Variants in JAK1 observed in about 807,000 individuals in gnomAD.
JAK1 encodes Janus kinase 1, also known as tyrosine-protein kinase JAK1.
In JAK1, 16 loss-of-function variants were observed where a neutral mutation model predicts 136.6. The ratio of observed to expected loss-of-function variants is 0.12; its 90% CI spans 0.08 to 0.18. JAK1 has a LOEUF of 0.18. Ranked by LOEUF, JAK1 falls within the 10% of genes least tolerant of loss-of-function variation. The pLI, the probability that JAK1 is intolerant of heterozygous loss-of-function variation, is 1.00. For missense variants in JAK1, 859 were observed against 1,450.1 expected (o/e 0.59, Z 6.62); for synonymous variants, 492 against 519.5 (o/e 0.95, Z 0.72).
At chr1:65,055,384 T>G (rs1047594729) in intron 1 of JAK1, among the ~76,000 whole-genome samples, 1 of 152,226 alleles carries the variant, frequency 6.6e-6, no homozygotes, top group African/African-American at 2.4e-5. Context: ...ACACTACATT[T>G]CATTTATCTA....
chr1:64,988,014 A>T (rs1053017708), intron 2 of JAK1, among the ~76,000 whole-genome samples: 1 of 152,208 alleles, frequency 6.6e-6, no homozygotes, highest in Non-Finnish European at 1.5e-5. Context: ...CTTATTGTGT[A>T]CCTCATACTT....
intron 17 of JAK1, 139 bp from the exon 18 acceptor site, chr1:64,841,740 C>A: frequency 1.2e-6 from 1 of 815,682 alleles, no homozygotes. Flanking sequence ...GTGTTTGTTA[C>A]TGCTGCCTTA....
chr1:65,062,217 T>C (rs1400886084), intron 1 of JAK1, among the ~76,000 whole-genome samples: 1 of 152,266 alleles, frequency 6.6e-6, no homozygotes, highest in South Asian at 2.1e-4. Context: ...TCAGCACAAA[T>C]ATTTTTAGTC....
intron 2 of JAK1, among the ~76,000 whole-genome samples, chr1:65,029,381 T>G (rs1326190489): frequency 5.3e-5 from 8 of 152,236 alleles, no homozygotes; most frequent in Admixed American, 5.2e-4. Context: ...ATTACAGGCG[T>G]GAGCCAACAC....
intron 4 of JAK1, among the ~76,000 whole-genome samples, chr1:64,875,168 G>A (rs116303405): frequency 0.036 from 5,538 of 152,316 alleles, 111 homozygotes; most frequent in Non-Finnish European, 0.058. Flanking sequence ...AGTCTCTGGC[G>A]AGGTGCCGAG....
At chr1:65,014,759 A>G (rs895669249) in intron 2 of JAK1, among the ~76,000 whole-genome samples, 1 of 150,256 alleles carries the variant, frequency 6.7e-6, no homozygotes, top group African/African-American at 2.5e-5. Flanking sequence ...ACCTCGGCTC[A>G]CTGCAAGCTC....
intron 10 of JAK1, among the ~76,000 whole-genome samples, chr1:64,856,418 A>G (rs895359140): frequency 8.5e-5 from 13 of 152,320 alleles, no homozygotes; most frequent in African/African-American, 3.1e-4. Flanking sequence ...TGGCTATTAC[A>G]AGGCTTAAAA....
At position 65,052,793 on chromosome 1, in the gene JAK1, G is replaced by GACACTCCAGCCTGGGCA. The variant is rs1161175328; in HGVS notation, c.-180-8228_-180-8212dup. ...CGCGCCACTGCACTCCAGCCTGGGC[G>GACACTCCAGCCTGGGCA]ACACTCCAGCCTGGGCAACACTCCA... On this transcript the variant is annotated intron_variant, in intron 1 of 25. Coordinates refer to the JAK1 transcript ENST00000671954. Among the ~76,000 whole-genome samples the GACACTCCAGCCTGGGCA allele has an allele frequency of 2.2e-5, 3 of 139,308 alleles. No homozygotes were observed. In the East Asian group the frequency reaches 6.4e-4, roughly 30 times the overall value. The allele number at this position is 139,308 out of a possible 152,430, so 91.4% of individuals were successfully genotyped here. A position where few individuals can be genotyped will look rare whatever the true frequency, so the allele number is the denominator to read the frequency against.
intron 2 of JAK1, among the ~76,000 whole-genome samples, chr1:64,885,182 A>G (rs939210673): frequency 6.6e-6 from 1 of 152,226 alleles, no homozygotes; most frequent in African/African-American, 2.4e-5. Context: ...AGCCTGAAAC[A>G]GTTAGTTCAT....
chr1:64,888,961 G>C (rs1046949352), intron 1 of JAK1, among the ~76,000 whole-genome samples: 2 of 152,200 alleles, frequency 1.3e-5, no homozygotes, highest in Non-Finnish European at 2.9e-5. Flanking sequence ...ACTGTTCTAA[G>C]CACTTTAAAC....
intron 1 of JAK1, among the ~76,000 whole-genome samples, chr1:64,912,778 AATCAG>A (rs1645306518): frequency 6.6e-6 from 1 of 152,214 alleles, no homozygotes; most frequent in Admixed American, 6.5e-5. Flanking sequence ...TTCTAAAAGG[AATCAG>A]CAGTCCTTCT....
chr1:64,979,720 G>C (rs958299644), intron 2 of JAK1: 2 of 152,166 alleles, frequency 1.3e-5, no homozygotes, highest in African/African-American at 4.8e-5. Flanking sequence ...AGAGGAAAAG[G>C]CAAGACATCC....
At chr1:64,988,645 G>A (rs1244602150) in intron 2 of JAK1, among the ~76,000 whole-genome samples, 1 of 152,076 alleles carries the variant, frequency 6.6e-6, no homozygotes, top group Non-Finnish European at 1.5e-5. Flanking sequence ...CATTTTGGGA[G>A]GTCAAGACAA....
chr1:64,887,881 A>G (rs2780832), intron 1 of JAK1, among the ~76,000 whole-genome samples: 3,083 of 152,196 alleles, frequency 0.02, 112 homozygotes, highest in African/African-American at 0.071. Context: ...AAACCTCACA[A>G]TACTCCTTTT....
At chr1:64,903,523 G>T (rs1645143850) in intron 1 of JAK1, among the ~76,000 whole-genome samples, 1 of 152,158 alleles carries the variant, frequency 6.6e-6, no homozygotes, top group Admixed American at 6.5e-5. Context: ...TACTAGTATT[G>T]GTGAGAGGAC....
At chr1:64,868,646 A>G (rs1033562599) in intron 6 of JAK1, among the ~76,000 whole-genome samples, 2 of 152,148 alleles carry the variant, frequency 1.3e-5, no homozygotes, top group Non-Finnish European at 2.9e-5. Context: ...TAATGAGAAG[A>G]CGCACGCCGC....
At position 65,007,078 on chromosome 1, in the gene JAK1, T is replaced by C. The variant is rs368684682; in HGVS notation, c.-78+37402A>G. On this transcript the variant is annotated intron_variant, in intron 2 of 25. Coordinates refer to the JAK1 transcript ENST00000671954. ...AAACAAGTTTAGCTTGGGGCTTGGG[T>C]GGTCAAGGAAGCCTTCACAGATCAA... Among the ~76,000 whole-genome samples, 6 of 152,168 alleles carry C rather than the reference T, an allele frequency of 3.9e-5. No homozygotes were observed. The South Asian group carries it at 8.3e-4, about 21-fold the overall frequency.
intron 1 of JAK1, among the ~76,000 whole-genome samples, chr1:65,051,114 T>C (rs1647271416): frequency 6.6e-6 from 1 of 152,168 alleles, no homozygotes; most frequent in Admixed American, 6.5e-5. Flanking sequence ...AGCATTTATT[T>C]AACAGTAGCA....
At chr1:64,968,050 G>A (rs572523599), upstream of JAK1, among the ~76,000 whole-genome samples, 1 of 152,288 alleles carries the variant, frequency 6.6e-6, no homozygotes, top group South Asian at 2.1e-4. Context: ...AAGTGGTAGG[G>A]GTTTTTATTG....
Sources: allele counts gnomAD v4.1 joint callset (sites outside exome capture counted in the v4.1 genomes callset), GRCh38; gene constraint gnomAD v4.1.1; transcripts MANE v1.5; gene names NCBI Gene and HGNC (gene_info 2026-07-23, HGNC 2026-07-21).